CSMD3: variants seen among roughly 807,000 people sequenced by gnomAD.
CSMD3 encodes the protein CUB and sushi domain-containing protein 3.
CSMD3 carries 177 observed loss-of-function variants against 435.2 expected under a neutral mutation model. That is an observed-to-expected ratio of 0.41 (90% CI 0.36 to 0.46). The LOEUF is 0.46. CSMD3 is among the 20% of genes least tolerant of loss of function. The probability of loss-of-function intolerance (pLI) is 0.34; values close to 1 mark genes in which losing one functional copy is unlikely to be tolerated. For synonymous variants in CSMD3, 1,656 were observed against 1,520.5 expected (o/e 1.09, Z -2.07); for missense variants, 4,265 against 4,504.6 (o/e 0.95, Z 1.52).
intron 27 of CSMD3, among the ~76,000 whole-genome samples, chr8:112,527,978 A>T (rs969725427): frequency 2.0e-5 from 3 of 152,166 alleles, no homozygotes; most frequent in Admixed American, 6.5e-5. Flanking sequence ...ATACAAAGTG[A>T]TGAAATTCGT....
chr8:112,308,445 T>A (rs968671455), intron 50 of CSMD3, among the ~76,000 whole-genome samples: 12 of 152,162 alleles, frequency 7.9e-5, no homozygotes, highest in Middle Eastern at 3.4e-3. Context: ...CGTACCAGAA[T>A]AATGGGACAA....
chr8:112,909,417 T>A (rs11777493), intron 10 of CSMD3, among the ~76,000 whole-genome samples: 26,812 of 151,388 alleles, frequency 0.18, 2,960 homozygotes, highest in Non-Finnish European at 0.25. Flanking sequence ...ATATTTTTTT[T>A]AAAAAATCAA....
chr8:112,877,483 G>T (rs990428795), intron 10 of CSMD3, among the ~76,000 whole-genome samples: 8 of 151,980 alleles, frequency 5.3e-5, no homozygotes, highest in African/African-American at 1.9e-4. Flanking sequence ...AGCCAAGCTG[G>T]TCTCGAACTC....
At chr8:112,470,078 G>A (rs1462091838) in intron 32 of CSMD3, among the ~76,000 whole-genome samples, 1 of 152,114 alleles carries the variant, frequency 6.6e-6, no homozygotes, top group Non-Finnish European at 1.5e-5. Context: ...GTAAAGGAAG[G>A]TAATACGAAG....
chr8:112,392,328 A>AAT (rs1554665593), intron 35 of CSMD3, among the ~76,000 whole-genome samples: 3 of 151,622 alleles, frequency 2.0e-5, no homozygotes, highest in African/African-American at 7.3e-5. Context: ...AAAAAAAAAA[A>AAT]AAAAAAAGAT....
At chr8:113,398,272 C>T (rs2094493471) in intron 1 of CSMD3, among the ~76,000 whole-genome samples, 1 of 152,032 alleles carries the variant, frequency 6.6e-6, no homozygotes, top group Non-Finnish European at 1.5e-5. Context: ...AGTGGATATC[C>T]AATTGTCCCA....
intron 5 of CSMD3, among the ~76,000 whole-genome samples, chr8:113,078,319 C>A (rs1426191275): frequency 6.6e-6 from 1 of 152,104 alleles, no homozygotes; most frequent in Admixed American, 6.5e-5. Flanking sequence ...CCCGTTAAGA[C>A]AAATTAGAGA....
At chr8:112,382,047 G>A (rs1383953279) in intron 37 of CSMD3, among the ~76,000 whole-genome samples, 4 of 152,016 alleles carry the variant, frequency 2.6e-5, no homozygotes, top group East Asian at 3.9e-4. Flanking sequence ...GAGGCTGTAA[G>A]ACAGGAGGAT....
intron 10 of CSMD3, among the ~76,000 whole-genome samples, chr8:112,890,491 T>C (rs568497077): frequency 1.3e-5 from 2 of 151,712 alleles, no homozygotes; most frequent in South Asian, 2.1e-4. Flanking sequence ...GTAGGAAAAA[T>C]ATGTCATAAG....
Position 113,278,614 on chromosome 8 carries a change from A to G in CSMD3, c.492T>C (p.His164=), listed in dbSNP as rs779008771. ...RLTSDFAVSA[H]GFKVYYEELQ... is the part of the protein sequence containing the mutation. Reference sequence around the variant, plus strand: ...TACCTTCGTAATATACCTTAAATCCATGAGCACTAACTGCAAAATCACTGG... The same window carrying G: ...TACCTTCGTAATATACCTTAAATCCGTGAGCACTAACTGCAAAATCACTGG... Residue 164 remains histidine (H), a synonymous_variant, in exon 3 of 71, where the codon CAT becomes CAC. Coordinates refer to ENST00000297405, the MANE Select transcript of CSMD3 (RefSeq NM_198123.2). 6.4e-6 allele frequency: 10 copies of G among 1,568,012 alleles called. 1 individual carries two copies. The Admixed American group carries it at 1.3e-4, about 21-fold the overall frequency.
At chr8:113,182,806 T>C (rs62519807) in intron 3 of CSMD3, among the ~76,000 whole-genome samples, 7,731 of 152,080 alleles carry the variant, frequency 0.051, 279 homozygotes, top group Admixed American at 0.095. Context: ...AATGAGAAGA[T>C]GTTAAGGGAA....
chr8:112,281,598 C>A (rs913942249), intron 58 of CSMD3, among the ~76,000 whole-genome samples: 1 of 151,978 alleles, frequency 6.6e-6, no homozygotes, highest in African/African-American at 2.4e-5. Context: ...AAAAACTCTA[C>A]AGAGTAAAAT....
chr8:113,208,391 G>A (rs1449025866), intron 3 of CSMD3, among the ~76,000 whole-genome samples: 1 of 151,942 alleles, frequency 6.6e-6, no homozygotes, highest in Non-Finnish European at 1.5e-5. Flanking sequence ...CATACAATAT[G>A]GACAAAAAGC....
chr8:112,341,007 A>G (rs1053993725), intron 42 of CSMD3, among the ~76,000 whole-genome samples: 1 of 152,140 alleles, frequency 6.6e-6, no homozygotes, highest in Non-Finnish European at 1.5e-5. Flanking sequence ...ATATAACATG[A>G]TTATCAAAGT....
At chr8:112,897,369 A>G (rs2081977153) in intron 10 of CSMD3, among the ~76,000 whole-genome samples, 1 of 151,346 alleles carries the variant, frequency 6.6e-6, no homozygotes, top group Non-Finnish European at 1.5e-5. Flanking sequence ...TTAATTAAGA[A>G]CATATAAAGA....
chr8:112,434,758 A>G (rs1051231820), intron 32 of CSMD3, among the ~76,000 whole-genome samples: 7 of 152,132 alleles, frequency 4.6e-5, no homozygotes, highest in African/African-American at 1.7e-4. Context: ...TTGCAAAAAA[A>G]CACTTTAACA....
At position 112,352,390 on chromosome 8, in the gene CSMD3, A is replaced by G. The variant is rs777021228; in HGVS notation, c.6255+26T>C. Reference sequence around the variant, plus strand: ...TATTCTGAAAGGGCCATGAAAATCAAAACCACAACTTTAAAATAGACTTAC... The same window carrying G: ...TATTCTGAAAGGGCCATGAAAATCAGAACCACAACTTTAAAATAGACTTAC... On this transcript the variant is annotated intron_variant, in intron 39 of 70. Coordinates refer to ENST00000297405, the MANE Select transcript of CSMD3 (RefSeq NM_198123.2). The G allele has an allele frequency of 8.7e-6, 14 of 1,612,436 alleles. No individual in the cohort carries two copies. The East Asian group carries it at 2.0e-4, about 23-fold the overall frequency.
intron 3 of CSMD3, among the ~76,000 whole-genome samples, chr8:113,254,981 T>A (rs2093367469): frequency 1.3e-5 from 2 of 152,102 alleles, no homozygotes; most frequent in South Asian, 4.1e-4. Context: ...AAATAATGAG[T>A]ACTTAAAAAA....
chr8:112,564,001 T>G (rs1192805169), intron 24 of CSMD3, among the ~76,000 whole-genome samples: 5 of 152,094 alleles, frequency 3.3e-5, no homozygotes, highest in Non-Finnish European at 7.4e-5. Flanking sequence ...CTCACACGAG[T>G]GTGAAAACCT....
Sources: allele counts gnomAD v4.1 joint callset (sites outside exome capture counted in the v4.1 genomes callset), GRCh38; gene constraint gnomAD v4.1.1; transcripts MANE v1.5; gene names NCBI Gene and HGNC (gene_info 2026-07-23, HGNC 2026-07-21).